Variants in SORCS2 observed in about 807,000 individuals in gnomAD.
The protein encoded by SORCS2 is sortilin related VPS10 domain containing receptor 2.
In SORCS2, 100 loss-of-function variants were observed where a neutral mutation model predicts 141.6. That is an observed-to-expected ratio of 0.71 (90% CI 0.60 to 0.83). The LOEUF is 0.83. Ranked by LOEUF, SORCS2 falls within the 40% of genes least tolerant of loss-of-function variation. The pLI is 0.00. For synonymous variants in SORCS2, 789 were observed against 676.9 expected (o/e 1.17, Z -2.57); for missense variants, 1,646 against 1,560.2 (o/e 1.05, Z -0.93).
At chr4:7,644,211 G>A (rs147766957) in intron 4 of SORCS2, among the ~76,000 whole-genome samples, 2,496 of 152,268 alleles carry the variant, frequency 0.016, 74 homozygotes, top group African/African-American at 0.057. Context: ...GGAAGGTGGG[G>A]ACCAGAACCT....
At chr4:7,347,502 C>T (rs1022993607) in intron 1 of SORCS2, among the ~76,000 whole-genome samples, 5 of 152,200 alleles carry the variant, frequency 3.3e-5, no homozygotes, top group Non-Finnish European at 5.9e-5. Flanking sequence ...ACTCCCATAG[C>T]TCCTTGCAGA....
At chr4:7,615,982 G>A (rs764034096) in intron 3 of SORCS2, among the ~76,000 whole-genome samples, 6 of 152,200 alleles carry the variant, frequency 3.9e-5, no homozygotes, top group Non-Finnish European at 8.8e-5. Context: ...AAAATTATGT[G>A]ATGTTTGGGG....
intron 5 of SORCS2, among the ~76,000 whole-genome samples, chr4:7,654,937 C>G (rs1161536509): frequency 2.0e-5 from 3 of 152,158 alleles, no homozygotes; most frequent in Non-Finnish European, 2.9e-5. Flanking sequence ...AGTGTGCCCC[C>G]TGAGCACCCC....
intron 3 of SORCS2, among the ~76,000 whole-genome samples, chr4:7,589,257 G>A (rs995205439): frequency 1.3e-5 from 2 of 152,232 alleles, no homozygotes; most frequent in Non-Finnish European, 2.9e-5. Context: ...GAGAATGGAA[G>A]GAGGGGTCAG....
chr4:7,343,376 G>A (rs984439542), intron 1 of SORCS2, among the ~76,000 whole-genome samples: 3 of 152,250 alleles, frequency 2.0e-5, no homozygotes, highest in Non-Finnish European at 4.4e-5. Flanking sequence ...GGGCAAAGCC[G>A]ATGACATGTC....
intron 2 of SORCS2, among the ~76,000 whole-genome samples, chr4:7,477,394 G>T: frequency 7.5e-6 from 1 of 132,728 alleles, no homozygotes; most frequent in African/African-American, 2.8e-5. Context: ...GATTGGGGCT[G>T]ACATGGCTGA....
At chr4:7,631,777 C>T (rs1322911840) in intron 3 of SORCS2, among the ~76,000 whole-genome samples, 2 of 152,168 alleles carry the variant, frequency 1.3e-5, no homozygotes, top group African/African-American at 4.8e-5. Flanking sequence ...GAGTCCCTCC[C>T]AGCCCTCCCT....
At chr4:7,297,850 C>A (rs1329746959) in intron 1 of SORCS2, among the ~76,000 whole-genome samples, 1 of 152,260 alleles carries the variant, frequency 6.6e-6, no homozygotes, top group African/African-American at 2.4e-5. Flanking sequence ...TTGTGCTGGC[C>A]CCACCGTCCA....
At chr4:7,517,867 G>A (rs1733085938) in intron 2 of SORCS2, among the ~76,000 whole-genome samples, 1 of 152,284 alleles carries the variant, frequency 6.6e-6, no homozygotes, top group Non-Finnish European at 1.5e-5. Flanking sequence ...TTTCCACCAC[G>A]CACAGCACGT....
chr4:7,272,558 C>T (rs1715214229), intron 1 of SORCS2, among the ~76,000 whole-genome samples: 1 of 152,206 alleles, frequency 6.6e-6, no homozygotes, highest in Non-Finnish European at 1.5e-5. Flanking sequence ...CTAGGACCTG[C>T]TGTAAATCAC....
chr4:7,553,972 G>A (rs79200812), intron 3 of SORCS2, among the ~76,000 whole-genome samples: 1,590 of 152,258 alleles, frequency 0.01, 22 homozygotes, highest in African/African-American at 0.036. Flanking sequence ...GAGGTTCATC[G>A]CCCACATTGC....
At chr4:7,318,872 G>T (rs930083356) in intron 1 of SORCS2, among the ~76,000 whole-genome samples, 3 of 152,144 alleles carry the variant, frequency 2.0e-5, no homozygotes, top group African/African-American at 7.2e-5. Flanking sequence ...AATCCCTTGC[G>T]TGCCTTAGTA....
chr4:7,535,649 T>G (rs1215313866), intron 3 of SORCS2, among the ~76,000 whole-genome samples: 1 of 152,222 alleles, frequency 6.6e-6, no homozygotes, highest in Non-Finnish European at 1.5e-5. Flanking sequence ...ACCGTTATCC[T>G]TAGAGGGAAA....
At chr4:7,322,615 ACCCTGAGAGGCCGGGACAGCCCAAC>A (rs1274058234) in intron 1 of SORCS2, among the ~76,000 whole-genome samples, 18 of 152,206 alleles carry the variant, frequency 1.2e-4, no homozygotes, top group African/African-American at 4.3e-4. Flanking sequence ...GGGCGCAGAC[ACCCTGAGAGGCCGGGACAGCCCAAC>A]CCCCTTGTCC....
intron 3 of SORCS2, among the ~76,000 whole-genome samples, chr4:7,560,904 A>G (rs1422487414): frequency 6.6e-6 from 1 of 152,162 alleles, no homozygotes; most frequent in Admixed American, 6.5e-5. Flanking sequence ...CTTGGGAGGT[A>G]GGGAAATCAG....
At chr4:7,211,342 G>A (rs1455663184) in intron 1 of SORCS2, among the ~76,000 whole-genome samples, 2 of 152,094 alleles carry the variant, frequency 1.3e-5, no homozygotes, top group African/African-American at 4.8e-5. Flanking sequence ...CCATGGCGCT[G>A]GGACGGTCAC....
intron 1 of SORCS2, among the ~76,000 whole-genome samples, chr4:7,298,838 C>G (rs1384508680): frequency 6.6e-6 from 1 of 152,258 alleles, no homozygotes; most frequent in Non-Finnish European, 1.5e-5. Flanking sequence ...CTGGGATCCT[C>G]ATGCTGCATC....
At chr4:7,457,620 T>C (rs922723081) in intron 2 of SORCS2, among the ~76,000 whole-genome samples, 2 of 150,418 alleles carry the variant, frequency 1.3e-5, no homozygotes, top group African/African-American at 2.5e-5. Context: ...CTAGTGAGCA[T>C]TGCAAGCTGA....
chr4:7,657,456 T>C lies in SORCS2; in HGVS notation c.887+3249T>C, dbSNP rs546128238. Among the ~76,000 whole-genome samples the C allele has an allele frequency of 2.6e-5, 4 of 151,698 alleles. No individual in the cohort carries two copies. In the South Asian group the frequency reaches 8.4e-4, roughly 32 times the overall value. The stretch of plus-strand genomic sequence containing the variant: ...AATGACTGAGTGGTGAGTTAGGTAA[T>C]AAATGAGTGAATAAATGAGTAGGTG... On this transcript the variant is annotated intron_variant, in intron 5 of 26. Coordinates refer to ENST00000507866, the MANE Select transcript of SORCS2 (RefSeq NM_020777.3).
Sources: allele counts gnomAD v4.1 joint callset (sites outside exome capture counted in the v4.1 genomes callset), GRCh38; gene constraint gnomAD v4.1.1; transcripts MANE v1.5; gene names NCBI Gene and HGNC (gene_info 2026-07-23, HGNC 2026-07-21).